Variants in SORCS3 observed in about 807,000 individuals in gnomAD.
SORCS3 encodes sortilin related VPS10 domain containing receptor 3, also known as VPS10 domain-containing receptor SorCS3.
Under a neutral mutation model 146.3 loss-of-function variants are expected in SORCS3, and 57 were observed. That is an observed-to-expected ratio of 0.39 (90% CI 0.31 to 0.49). The LOEUF is 0.49. Ranked by LOEUF, SORCS3 falls within the 20% of genes least tolerant of loss-of-function variation. SORCS3 has a pLI of 0.92. For synonymous variants in SORCS3, 653 were observed against 618.5 expected (o/e 1.06, Z -0.83); for missense variants, 1,341 against 1,575.5 (o/e 0.85, Z 2.52).
At chr10:104,654,275 A>C (rs749811052) in intron 1 of SORCS3, among the ~76,000 whole-genome samples, 1 of 152,206 alleles carries the variant, frequency 6.6e-6, no homozygotes, top group Admixed American at 6.5e-5. Flanking sequence ...GGGAGTGCAG[A>C]TATCTCTTTG....
At chr10:105,128,954 T>G (rs1229677518) in intron 7 of SORCS3, among the ~76,000 whole-genome samples, 2 of 152,136 alleles carry the variant, frequency 1.3e-5, no homozygotes, top group Admixed American at 6.6e-5. Flanking sequence ...ACCCCCAAAC[T>G]GCAAGAGATG....
chr10:105,096,694 A>T (rs1187691379), intron 6 of SORCS3, among the ~76,000 whole-genome samples: 2 of 152,098 alleles, frequency 1.3e-5, no homozygotes, highest in African/African-American at 2.4e-5. Flanking sequence ...CCACCATCCA[A>T]AGGGATGGTA....
intron 20 of SORCS3, among the ~76,000 whole-genome samples, chr10:105,236,908 C>G (rs1247302509): frequency 6.6e-6 from 1 of 152,150 alleles, no homozygotes; most frequent in African/African-American, 2.4e-5. Context: ...CTCTCTGTCT[C>G]TCCACTTCTC....
chr10:105,152,465 C>T (rs752006697), intron 9 of SORCS3, among the ~76,000 whole-genome samples: 5 of 152,006 alleles, frequency 3.3e-5, no homozygotes, highest in Non-Finnish European at 7.4e-5. Flanking sequence ...TCTGCAAAAT[C>T]CTGGATGTAT....
At chr10:104,955,617 A>G (rs915639823) in intron 3 of SORCS3, among the ~76,000 whole-genome samples, 4 of 152,204 alleles carry the variant, frequency 2.6e-5, no homozygotes, top group Non-Finnish European at 4.4e-5. Context: ...CTCACCCTCA[A>G]TGAGAACAGG....
intron 1 of SORCS3, among the ~76,000 whole-genome samples, chr10:104,743,333 A>T (rs148011963): frequency 6.6e-6 from 1 of 152,336 alleles, no homozygotes; most frequent in Non-Finnish European, 1.5e-5. Flanking sequence ...TACATGTCTC[A>T]GAAAACTCAC....
chr10:105,037,063 C>G (rs2055311346), intron 4 of SORCS3, among the ~76,000 whole-genome samples: 1 of 152,154 alleles, frequency 6.6e-6, no homozygotes, highest in Non-Finnish European at 1.5e-5. Context: ...ATTTTGTTGC[C>G]TCTTCTGACT....
At chr10:104,993,337 C>G (rs564325984) in intron 4 of SORCS3, among the ~76,000 whole-genome samples, 1 of 152,302 alleles carries the variant, frequency 6.6e-6, no homozygotes, top group East Asian at 1.9e-4. Context: ...GACATTTTGC[C>G]TCGTGCCTCC....
At chr10:104,799,224 A>G (rs1291902964) in intron 1 of SORCS3, among the ~76,000 whole-genome samples, 2 of 152,220 alleles carry the variant, frequency 1.3e-5, no homozygotes, top group African/African-American at 2.4e-5. Context: ...AAATCATTCT[A>G]CAATAAAGAC....
chr10:104,777,165 A>G (rs2017319439), intron 1 of SORCS3, among the ~76,000 whole-genome samples: 1 of 152,162 alleles, frequency 6.6e-6, no homozygotes, highest in Non-Finnish European at 1.5e-5. Flanking sequence ...TTGGCTGGAA[A>G]ATAGTGAACC....
intron 5 of SORCS3, among the ~76,000 whole-genome samples, chr10:105,080,971 AT>A (rs1247709144): frequency 6.6e-6 from 1 of 152,218 alleles, no homozygotes; most frequent in African/African-American, 2.4e-5. Flanking sequence ...TATATTTCAA[AT>A]TTATTTACCA....
intron 3 of SORCS3, among the ~76,000 whole-genome samples, chr10:104,940,238 A>ATCTATATATATAT (rs1435205868): frequency 3.2e-5 from 1 of 31,506 alleles, no homozygotes; most frequent in Non-Finnish European, 6.1e-5. Flanking sequence ...ATATATATAT[A>ATCTATATATATAT]TTTTTTTTTT....
chr10:105,222,653 C>A (rs2119669590), intron 19 of SORCS3, among the ~76,000 whole-genome samples: 1 of 152,260 alleles, frequency 6.6e-6, no homozygotes, highest in South Asian at 2.1e-4. Flanking sequence ...CTGTATACTG[C>A]AGATGATGAG....
At chr10:104,996,806 A>G (rs1365729618) in intron 4 of SORCS3, among the ~76,000 whole-genome samples, 1 of 152,302 alleles carries the variant, frequency 6.6e-6, no homozygotes, top group Non-Finnish European at 1.5e-5. Context: ...CTAAGACTTA[A>G]TAATAGAAAA....
chr10:104,840,293 T>C (rs2018123164), intron 1 of SORCS3, among the ~76,000 whole-genome samples: 1 of 152,252 alleles, frequency 6.6e-6, no homozygotes, highest in African/African-American at 2.4e-5. Context: ...GCTTCCTCCA[T>C]GTAGAAACAC....
intron 3 of SORCS3, among the ~76,000 whole-genome samples, chr10:104,942,134 A>G (rs1223195500): frequency 2.0e-5 from 3 of 152,202 alleles, no homozygotes; most frequent in Non-Finnish European, 2.9e-5. Context: ...ATCTTACTTT[A>G]AAAGGCCAGT....
At chr10:105,142,908 T>C (rs2056105404) in intron 8 of SORCS3, among the ~76,000 whole-genome samples, 2 of 152,160 alleles carry the variant, frequency 1.3e-5, no homozygotes, top group South Asian at 4.1e-4. Flanking sequence ...ATTATAATGA[T>C]AATAACAATG....
chr10:104,700,477 C>A (rs879680050), intron 1 of SORCS3, among the ~76,000 whole-genome samples: 4 of 152,172 alleles, frequency 2.6e-5, no homozygotes, highest in Non-Finnish European at 4.4e-5. Context: ...TATTCTCTTT[C>A]TCTTCCTTTC....
chr10:105,044,861 A>T (rs959482284), intron 5 of SORCS3, among the ~76,000 whole-genome samples: 5 of 151,968 alleles, frequency 3.3e-5, no homozygotes, highest in African/African-American at 1.2e-4. Flanking sequence ...TATTCCAACT[A>T]TTATTTTGCC....
Sources: allele counts gnomAD v4.1 joint callset (sites outside exome capture counted in the v4.1 genomes callset), GRCh38; gene constraint gnomAD v4.1.1; transcripts MANE v1.5; gene names NCBI Gene and HGNC (gene_info 2026-07-23, HGNC 2026-07-21).